DNAH12: variants seen among roughly 807,000 people sequenced by gnomAD.
DNAH12 encodes the protein dynein axonemal heavy chain 12, also known as axonemal beta dynein heavy chain 12.
Under a neutral mutation model 371.5 loss-of-function variants are expected in DNAH12, and 285 were observed. The observed-to-expected ratio is 0.77, with a 90% CI of 0.70 to 0.85. DNAH12 has a LOEUF of 0.85. DNAH12 is among the 40% of genes least tolerant of loss of function. The pLI is 0.00. For synonymous variants in DNAH12, 1,200 were observed against 1,213.0 expected (o/e 0.99, Z 0.22); for missense variants, 3,611 against 3,689.4 (o/e 0.98, Z 0.55).
At chr3:57,475,856 A>G (rs561426040) in intron 13 of DNAH12, among the ~76,000 whole-genome samples, 10 of 152,336 alleles carry the variant, frequency 6.6e-5, no homozygotes, top group Admixed American at 3.3e-4. Context: ...GGAACTACTT[A>G]GAAAAGAATT....
intron 4 of DNAH12, among the ~76,000 whole-genome samples, chr3:57,518,470 G>A (rs2068284134): frequency 6.6e-6 from 1 of 151,676 alleles, no homozygotes. Context: ...AGGGTGCAGT[G>A]AGCTTAGGTT....
At chr3:57,514,535 G>T (rs950342732) in intron 4 of DNAH12, among the ~76,000 whole-genome samples, 29 of 152,038 alleles carry the variant, frequency 1.9e-4, no homozygotes, top group Non-Finnish European at 4.4e-5. Context: ...AAAAATTAAT[G>T]AGATTGGTTA....
chr3:57,296,510 A>G (rs538143678), intron 71 of DNAH12, 75 bp from the exon 72 acceptor site: 1 of 1,131,996 alleles, frequency 8.8e-7, no homozygotes, highest in Admixed American at 2.2e-5. Context: ...TTAGCGAAAT[A>G]TTCAGAACAC....
intron 57 of DNAH12, among the ~76,000 whole-genome samples, chr3:57,366,447 T>C (rs2153332745): frequency 6.6e-6 from 1 of 152,296 alleles, no homozygotes; most frequent in South Asian, 2.1e-4. Context: ...GAATTCTTTC[T>C]TGCATGAGAT....
intron 69 of DNAH12, among the ~76,000 whole-genome samples, chr3:57,307,413 T>C (rs750594831): frequency 6.6e-6 from 1 of 152,124 alleles, no homozygotes; most frequent in Non-Finnish European, 1.5e-5. Flanking sequence ...ACAGCCCAAA[T>C]ACGGGGCTGT....
At chr3:57,378,162 G>A (rs1201244774) in intron 52 of DNAH12, among the ~76,000 whole-genome samples, 2 of 152,076 alleles carry the variant, frequency 1.3e-5, no homozygotes, top group African/African-American at 4.8e-5. Context: ...TATCAGCATG[G>A]GGCAGCTTGT....
chr3:57,435,617 A>C (rs2065099096), intron 30 of DNAH12, among the ~76,000 whole-genome samples: 1 of 152,068 alleles, frequency 6.6e-6, no homozygotes, highest in South Asian at 2.1e-4. Context: ...CTGACCAAAA[A>C]AACTGTGAGT....
chr3:57,541,200 A>G (rs4681997), intron 2 of DNAH12, among the ~76,000 whole-genome samples: 127,118 of 151,598 alleles, frequency 0.84, 53,939 homozygotes, highest in African/African-American at 0.95. Flanking sequence ...CCACCACGCC[A>G]AGCTAATTTT....
chr3:57,322,517 A>T, intron 64 of DNAH12, 34 bp from the exon 65 acceptor site: 1 of 1,537,752 alleles, frequency 6.5e-7, no homozygotes, highest in South Asian at 1.2e-5. Context: ...ATTATACAAG[A>T]TAGCAAGTGG....
rs745842793 is a variant in DNAH12, at chr3:57,483,434, A to G, written c.1592T>C (p.Ile531Thr). 1 of 1,551,438 alleles carries G rather than the reference A, an allele frequency of 6.4e-7. No individual in the cohort carries two copies. The highest frequency in any genetic ancestry group is 1.2e-5 in the South Asian group (1 of 83,964). Reference sequence around the variant, plus strand: ...AGTCCGGGCTTTTTCTACATAAGATATCAGATCCATCATCTCTTCTGTTGT... The same window carrying G: ...AGTCCGGGCTTTTTCTACATAAGATGTCAGATCCATCATCTCTTCTGTTGT... ...PETTEEMMDLISYVEKARTVG... is the reference protein window; with the variant it reads ...PETTEEMMDLTSYVEKARTVG... The change falls in exon 13 of 74, where the codon ATA becomes ACA. Residue 531 changes from isoleucine (I) to threonine (T), a missense_variant. Coordinates refer to ENST00000495027, the MANE Select transcript of DNAH12 (RefSeq NM_001366028.2).
chr3:57,349,750 C>T (rs1336533146), intron 60 of DNAH12, among the ~76,000 whole-genome samples: 2 of 152,178 alleles, frequency 1.3e-5, no homozygotes, highest in East Asian at 1.9e-4. Context: ...AATGCAGTGG[C>T]GCTATCTTGG....
intron 34 of DNAH12, among the ~76,000 whole-genome samples, chr3:57,427,936 T>TC (rs2064833424): frequency 6.6e-6 from 1 of 151,734 alleles, no homozygotes; most frequent in Non-Finnish European, 1.5e-5. Flanking sequence ...TTTTGGGGTT[T>TC]TTTTTTTTCT....
At chr3:57,369,238 T>A (rs1345330217) in intron 55 of DNAH12, among the ~76,000 whole-genome samples, 5 of 143,192 alleles carry the variant, frequency 3.5e-5, no homozygotes, top group South Asian at 2.1e-4. Flanking sequence ...AATATATATA[T>A]ATATATATAT....
intron 62 of DNAH12, among the ~76,000 whole-genome samples, chr3:57,326,779 G>C (rs1364929224): frequency 1.3e-5 from 2 of 152,162 alleles, no homozygotes; most frequent in African/African-American, 4.8e-5. Context: ...TGGATAAAGA[G>C]TCAAGACCCA....
the DNAH12 span, among the ~76,000 whole-genome samples, chr3:57,553,950 G>A: frequency 6.6e-6 from 1 of 150,994 alleles, no homozygotes; most frequent in Non-Finnish European, 1.5e-5. Context: ...TCGGCCTCCT[G>A]AGTAGCTGGG....
intron 37 of DNAH12, among the ~76,000 whole-genome samples, chr3:57,418,911 CTT>C (rs1015140936): frequency 4.3e-4 from 65 of 152,216 alleles, no homozygotes; most frequent in African/African-American, 1.5e-3. Flanking sequence ...TTTCATGTGT[CTT>C]TACTTTTGAT....
chr3:57,364,620 G>A (rs966928388), intron 57 of DNAH12, among the ~76,000 whole-genome samples: 6 of 152,148 alleles, frequency 3.9e-5, no homozygotes, highest in Admixed American at 6.5e-5. Flanking sequence ...ATTGAAAAAT[G>A]GGATCTAATT....
At chr3:57,393,259 G>A (rs1239345533) in intron 44 of DNAH12, among the ~76,000 whole-genome samples, 8 of 152,158 alleles carry the variant, frequency 5.3e-5, no homozygotes, top group African/African-American at 7.2e-5. Context: ...AAATATCCAG[G>A]TGTGAGTGAT....
At chr3:57,375,753 C>T (rs2063269439) in intron 54 of DNAH12, 65 bp downstream of exon 54, 1 of 151,966 alleles carries the variant, frequency 6.6e-6, no homozygotes, top group South Asian at 2.1e-4. Context: ...ATCCTTTCCC[C>T]CAAAATATCC....
Sources: gnomAD v4.1 joint callset for allele counts (sites outside exome capture counted in the v4.1 genomes callset) on GRCh38, gnomAD v4.1.1 for gene constraint, MANE v1.5 for transcripts, NCBI Gene and HGNC (gene_info 2026-07-23, HGNC 2026-07-21) for gene names.